The following ADCY2 variants were observed in gnomAD, a reference collection of about 807,000 sequenced individuals.
The protein encoded by ADCY2 is adenylate cyclase 2.
A neutral mutation model predicts 125.2 loss-of-function variants in ADCY2; 31 were observed. The observed-to-expected ratio is 0.25, with a 90% CI of 0.19 to 0.33. ADCY2 has a LOEUF of 0.33. ADCY2 is among the 10% of genes least tolerant of loss of function. The pLI, the probability that ADCY2 is intolerant of heterozygous loss-of-function variation, is 1.00. For missense variants in ADCY2, 904 were observed against 1,418.2 expected (o/e 0.64, Z 5.82); for synonymous variants, 512 against 548.4 (o/e 0.93, Z 0.93).
intron 3 of ADCY2, among the ~76,000 whole-genome samples, chr5:7,607,142 C>A (rs1263283120): frequency 6.6e-6 from 1 of 152,204 alleles, no homozygotes; most frequent in Admixed American, 6.5e-5. Flanking sequence ...AGTTGCTCAT[C>A]TCTCTTTCCT....
intron 3 of ADCY2, among the ~76,000 whole-genome samples, chr5:7,535,076 T>C (rs1734771903): frequency 6.6e-6 from 1 of 152,226 alleles, no homozygotes; most frequent in African/African-American, 2.4e-5. Flanking sequence ...GTTTTGCTTT[T>C]GTCACCCAGG....
At chr5:7,632,483 G>C (rs1738349081) in intron 4 of ADCY2, among the ~76,000 whole-genome samples, 1 of 152,006 alleles carries the variant, frequency 6.6e-6, no homozygotes, top group Admixed American at 6.6e-5. Context: ...CCAGTGCAGA[G>C]GGCATAGCTT....
intron 3 of ADCY2, chr5:7,522,460 CT>C (rs1260810107): frequency 6.6e-6 from 1 of 151,342 alleles, no homozygotes; most frequent in Admixed American, 6.6e-5. Context: ...CCTTCACTTC[CT>C]GTTTCTGCAC....
chr5:7,540,273 G>T (rs1322204489), intron 3 of ADCY2, among the ~76,000 whole-genome samples: 1 of 150,610 alleles, frequency 6.6e-6, no homozygotes, highest in Non-Finnish European at 1.5e-5. Context: ...AACCCGCATG[G>T]CCCATGTTTA....
At chr5:7,562,971 T>C (rs1351158828) in intron 3 of ADCY2, among the ~76,000 whole-genome samples, 1 of 152,214 alleles carries the variant, frequency 6.6e-6, no homozygotes, top group African/African-American at 2.4e-5. Context: ...TTTTAAATTC[T>C]GTATCTCAGG....
chr5:7,495,459 G>A (rs1303216250), intron 2 of ADCY2, among the ~76,000 whole-genome samples: 1 of 152,220 alleles, frequency 6.6e-6, no homozygotes, highest in African/African-American at 2.4e-5. Context: ...TATTATTGCA[G>A]AAGAATAGCA....
intron 9 of ADCY2, 184 bp downstream of exon 9, chr5:7,708,022 A>T: frequency 1.5e-6 from 1 of 659,744 alleles, no homozygotes; most frequent in Non-Finnish European, 2.4e-6. Flanking sequence ...AATACTTATT[A>T]AATGAGCAGT....
At chr5:7,726,641 C>A (rs748733076) in intron 13 of ADCY2, among the ~76,000 whole-genome samples, 1 of 152,162 alleles carries the variant, frequency 6.6e-6, no homozygotes, top group Non-Finnish European at 1.5e-5. Flanking sequence ...CAGCTAAGAA[C>A]CAAGTTGGCA....
At chr5:7,530,966 T>A (rs562369984) in intron 3 of ADCY2, among the ~76,000 whole-genome samples, 48 of 152,160 alleles carry the variant, frequency 3.2e-4, no homozygotes, top group African/African-American at 1.1e-3. Context: ...ACCCCATACA[T>A]GTACAAATAT....
At chr5:7,541,767 T>C (rs1031786652) in intron 3 of ADCY2, among the ~76,000 whole-genome samples, 18 of 152,120 alleles carry the variant, frequency 1.2e-4, no homozygotes, top group African/African-American at 3.6e-4. Context: ...CTGATGGAAA[T>C]GGAATACAGA....
At chr5:7,423,926 C>T (rs1276695775) in intron 2 of ADCY2, among the ~76,000 whole-genome samples, 1 of 152,324 alleles carries the variant, frequency 6.6e-6, no homozygotes, top group South Asian at 2.1e-4. Flanking sequence ...TGTGATTCTC[C>T]TCCCACCCCC....
chr5:7,403,201 G>T, intron 1 of ADCY2, among the ~76,000 whole-genome samples: 1 of 151,914 alleles, frequency 6.6e-6, no homozygotes, highest in South Asian at 2.1e-4. Flanking sequence ...AAATAATTAA[G>T]ATATCAAGTT....
chr5:7,789,574 T>G, intron 19 of ADCY2, 68 bp from the exon 20 acceptor site: 2 of 1,484,222 alleles, frequency 1.3e-6, no homozygotes, highest in Admixed American at 2.2e-5. Context: ...GTTTTCTCTT[T>G]AAAACCTCCA....
intron 2 of ADCY2, among the ~76,000 whole-genome samples, chr5:7,489,100 C>T (rs993504276): frequency 2.0e-5 from 3 of 152,308 alleles, no homozygotes; most frequent in Admixed American, 2.0e-4. Flanking sequence ...ACTCCTGAGG[C>T]CCGGCTCTCC....
intron 14 of ADCY2, among the ~76,000 whole-genome samples, chr5:7,731,193 C>A (rs1054054847): frequency 6.6e-6 from 1 of 151,186 alleles, no homozygotes; most frequent in South Asian, 2.1e-4. Context: ...TAAAACCTAA[C>A]CTTTTTGTAT....
chr5:7,814,327 A>G (rs1745036116), intron 22 of ADCY2, among the ~76,000 whole-genome samples: 1 of 152,034 alleles, frequency 6.6e-6, no homozygotes, highest in Non-Finnish European at 1.5e-5. Context: ...AACTGGGAGC[A>G]ATTTTACTCC....
intron 5 of ADCY2, among the ~76,000 whole-genome samples, chr5:7,692,591 G>A (rs780990363): frequency 3.3e-4 from 50 of 152,076 alleles, no homozygotes; most frequent in Non-Finnish European, 5.4e-4. Flanking sequence ...TGCTATTAAT[G>A]GCTCTTTCTA....
At position 7,717,135 on chromosome 5, in the gene ADCY2, TAA is replaced by T. The variant is rs1328723408; in HGVS notation, c.1623-21_1623-20del. 7 of 1,510,894 alleles carry T rather than the reference TAA, an allele frequency of 4.6e-6. No individual in the cohort carries two copies. In the East Asian group the frequency reaches 1.6e-4, roughly 34 times the overall value. The allele number at this position is 1,510,894 out of a possible 1,614,324, so 93.6% of individuals were successfully genotyped here. A position where few individuals can be genotyped will look rare whatever the true frequency, so the allele number is the denominator to read the frequency against. The stretch of plus-strand genomic sequence containing the variant: ...ATTTTACTAATAATATCCTTACCCA[TAA>T]TATTCCATTTTTCATATAGAACCAA... On this transcript the variant is annotated intron_variant, in intron 11 of 24. Coordinates refer to ENST00000338316, the MANE Select transcript of ADCY2 (RefSeq NM_020546.3).
chr5:7,571,821 A>G (rs556058829), intron 3 of ADCY2, among the ~76,000 whole-genome samples: 5 of 152,102 alleles, frequency 3.3e-5, no homozygotes, highest in African/African-American at 4.8e-5. Context: ...GCCAGTGTCT[A>G]TTGTTCCCCT....
Sources: allele counts gnomAD v4.1 joint callset (sites outside exome capture counted in the v4.1 genomes callset), GRCh38; gene constraint gnomAD v4.1.1; transcripts MANE v1.5; gene names NCBI Gene and HGNC (gene_info 2026-07-23, HGNC 2026-07-21).